The following C6 variants were observed in gnomAD, a reference collection of about 807,000 sequenced individuals.
C6 encodes the protein complement C6.
Under a neutral mutation model 112.9 loss-of-function variants are expected in C6, and 101 were observed. That is an observed-to-expected ratio of 0.89 (90% confidence interval 0.76 to 1.06). The LOEUF (loss-of-function observed/expected upper bound fraction) is 1.06. Ranked by LOEUF, C6 falls within the 50% of genes least tolerant of loss-of-function variation. C6 has a pLI of 0.00. For missense variants in C6, 1,202 were observed against 1,104.6 expected (o/e 1.09, Z -1.25); for synonymous variants, 431 against 384.1 (o/e 1.12, Z -1.43).
chr5:41,213,620 T>C, upstream of C6: 1 of 909,568 alleles, frequency 1.1e-6, no homozygotes, highest in South Asian at 5.0e-5. Flanking sequence ...ACCCTGAAAC[T>C]CTGGGTGTTG....
intron 16 of C6, 66 bp from the exon 17 acceptor site, chr5:41,149,548 A>G: frequency 3.1e-6 from 5 of 1,600,096 alleles, no homozygotes; most frequent in Non-Finnish European, 4.3e-6. Flanking sequence ...GCACGTAGCC[A>G]ATGTAGTGTG....
chr5:41,161,795 TCC>T lies in C6; in HGVS notation c.1354_1355del (p.Gly452SerfsTer19). On this transcript the variant is annotated frameshift_variant, in exon 10 of 18. Transcript: ENST00000337836. LOFTEE classifies it high-confidence loss of function. ...SLIRGGRSEY[G>X]AALAWEKGSS... ...TCCCTTTCTCCCATGCCAAAGCTGC[TCC>T]ATATTCACTCCTTCCACCTCGAATC... 1 of 1,613,678 alleles carries T rather than the reference TCC, an allele frequency of 6.2e-7. No individual in the cohort carries two copies.
chr5:41,199,677 G>T, intron 4 of C6, 91 bp downstream of exon 4: 1 of 1,252,896 alleles, frequency 8.0e-7, no homozygotes, highest in Non-Finnish European at 1.2e-6. Flanking sequence ...GGATTTCTCT[G>T]TGATGGATTC....
intron 1 of C6, among the ~76,000 whole-genome samples, chr5:41,204,436 C>T (rs1430522592): frequency 6.6e-6 from 1 of 152,058 alleles, no homozygotes; most frequent in African/African-American, 2.4e-5. Context: ...AATTGCCCTG[C>T]TAAAATATGG....
intron 5 of C6, among the ~76,000 whole-genome samples, chr5:41,188,366 A>G (rs1457964911): frequency 2.6e-5 from 4 of 152,126 alleles, no homozygotes; most frequent in Non-Finnish European, 5.9e-5. Context: ...CTGATACACA[A>G]TTTACTTCAA....
Position 41,248,268 on chromosome 5 carries a change from G to T in C6, c.-21+12926C>A, listed in dbSNP as rs186457870. Among the ~76,000 whole-genome samples the T allele has an allele frequency of 4.5e-4, 68 of 152,286 alleles. 1 individual carries two copies. The highest frequency in any genetic ancestry group is 1.5e-3 in the African/African-American group (61 of 41,574). On this transcript the variant is annotated intron_variant, in intron 1 of 17. Coordinates refer to the C6 transcript ENST00000263413. ...CATTCTGGACCTCAGCCTTGGGAAA[G>T]AATTTATGATTAAGCCCTCAAAAGC...
Position 41,181,456 on chromosome 5 carries a change from C to T in C6, c.830G>A (p.Ser277Asn), listed in dbSNP as rs1749337351. Residue 277 changes from serine (S) to asparagine (N), a missense_variant, in exon 7 of 18, where the codon AGC (serine) becomes AAC (asparagine). Ser to Asn is a conservative substitution (Grantham distance 46). Transcript: ENST00000337836. ...QQGSFSSQGG[S>N]SFSVPIFYSS... is the part of the protein sequence containing the mutation. ...ATAAAAAATTGGTACACTGAAAGAG[C>T]TCCCCCCCTGACTTGAGAATGAGCC... 12 of 1,613,626 alleles carry T rather than the reference C, an allele frequency of 7.4e-6. No individual in the cohort carries two copies. Among genetic ancestry groups the T allele is most frequent in the Non-Finnish European group, 1.0e-5 (12 of 1,179,674 alleles).
At chr5:41,167,288 T>C (rs993165451) in intron 9 of C6, among the ~76,000 whole-genome samples, 9 of 152,126 alleles carry the variant, frequency 5.9e-5, no homozygotes, top group Admixed American at 4.6e-4. Context: ...TCTTGAGTCC[T>C]TAATGCTTGA....
chr5:41,243,593 G>C (rs1484677493), intron 1 of C6, among the ~76,000 whole-genome samples: 3 of 152,162 alleles, frequency 2.0e-5, no homozygotes, highest in Non-Finnish European at 1.5e-5. Context: ...AGCTAGACAT[G>C]ACTGTTATTA....
intron 12 of C6, 132 bp downstream of exon 12, chr5:41,158,950 A>G (rs554111687): frequency 8.2e-7 from 1 of 1,223,640 alleles, no homozygotes; most frequent in East Asian, 2.3e-5. Flanking sequence ...GTGGCTCATT[A>G]ATATTCTGTG....
intron 17 of C6, 51 bp from the exon 18 acceptor site, chr5:41,143,057 T>G (rs1745497428): frequency 6.4e-7 from 1 of 1,562,942 alleles, no homozygotes; most frequent in African/African-American, 1.4e-5. Context: ...ACATTAGGGT[T>G]TGGCTTTATC....
chr5:41,211,476 A>G (rs372742582), intron 1 of C6, among the ~76,000 whole-genome samples: 6 of 152,180 alleles, frequency 3.9e-5, no homozygotes, highest in African/African-American at 1.4e-4. Context: ...GGTTTTCCTC[A>G]GCAACACAGA....
chr5:41,222,464 C>G (rs959890946), intron 1 of C6, among the ~76,000 whole-genome samples: 1 of 151,808 alleles, frequency 6.6e-6, no homozygotes, highest in Non-Finnish European at 1.5e-5. Context: ...ACAGATGTAT[C>G]TATAACATAT....
intron 16 of C6, 104 bp from the exon 17 acceptor site, chr5:41,149,586 C>G (rs1746184576): frequency 2.1e-6 from 3 of 1,436,428 alleles, no homozygotes; most frequent in South Asian, 2.3e-5. Context: ...TTTCTTTTGC[C>G]TGTTTTCCCC....
rs201371533 is a variant in C6 at position 41,232,681 on chromosome 5, TC to T, written c.-21+28512del. Among the ~76,000 whole-genome samples the T allele has an allele frequency of 4.6e-3, 705 of 152,204 alleles. 5 individuals carry two copies. The highest frequency in any genetic ancestry group is 0.015 in the African/African-American group (615 of 41,558). On this transcript the variant is annotated intron_variant, in intron 1 of 17. Transcript: ENST00000263413. Reference sequence around the variant, plus strand: ...AAAAAAAATTTTAAGTCATTCATGATCTTTTTTGCTTCATTACCCTCTCTTG... The same window carrying T: ...AAAAAAAATTTTAAGTCATTCATGATTTTTTTGCTTCATTACCCTCTCTTG...
At chr5:41,245,136 T>C (rs1474217264) in intron 1 of C6, among the ~76,000 whole-genome samples, 3 of 152,358 alleles carry the variant, frequency 2.0e-5, no homozygotes, top group South Asian at 2.1e-4. Flanking sequence ...CTCATGTTGG[T>C]ATCACAGTAA....
chr5:41,197,673 G>T (rs1750713646), intron 4 of C6, among the ~76,000 whole-genome samples: 1 of 152,040 alleles, frequency 6.6e-6, no homozygotes. Context: ...TACTTATAGG[G>T]ATATCTTAGA....
upstream of C6, among the ~76,000 whole-genome samples, chr5:41,215,030 T>C (rs76712135): frequency 9.6e-3 from 1,458 of 152,256 alleles, 11 homozygotes; most frequent in Non-Finnish European, 0.016. Context: ...TTTTCAACAA[T>C]GTATTTGGGT....
At chr5:41,164,054 G>A (rs1416768267) in intron 9 of C6, among the ~76,000 whole-genome samples, 1 of 150,902 alleles carries the variant, frequency 6.6e-6, no homozygotes, top group Non-Finnish European at 1.5e-5. Flanking sequence ...ATATAAATAT[G>A]CTAGCAAGAC....
Sources: gnomAD v4.1 joint callset for allele counts (sites outside exome capture counted in the v4.1 genomes callset) on GRCh38, gnomAD v4.1.1 for gene constraint, MANE v1.5 for transcripts, NCBI Gene and HGNC (gene_info 2026-07-23, HGNC 2026-07-21) for gene names.